TUBGCP3: variants seen among roughly 807,000 people sequenced by gnomAD.
The protein encoded by TUBGCP3 is gamma-tubulin complex component 3.
Under a neutral mutation model 123.1 loss-of-function variants are expected in TUBGCP3, and 50 were observed. The observed-to-expected ratio is 0.41, with a 90% CI of 0.32 to 0.51. TUBGCP3 has a LOEUF of 0.51. TUBGCP3 is among the 20% of genes least tolerant of loss of function. The probability of loss-of-function intolerance (pLI) is 0.36; values close to 1 mark genes in which losing one functional copy is unlikely to be tolerated. For missense variants in TUBGCP3, 882 were observed against 1,127.0 expected (o/e 0.78, Z 3.11); for synonymous variants, 405 against 413.9 (o/e 0.98, Z 0.26).
intron 4 of TUBGCP3, among the ~76,000 whole-genome samples, chr13:112,559,020 T>G (rs1880283163): frequency 6.6e-6 from 1 of 152,212 alleles, no homozygotes; most frequent in Non-Finnish European, 1.5e-5. Context: ...TCATAAAGAA[T>G]TACCTATCAG....
intron 14 of TUBGCP3, among the ~76,000 whole-genome samples, 154 bp from the exon 15 acceptor site, chr13:112,520,175 C>A (rs1366867970): frequency 6.6e-6 from 1 of 152,218 alleles, no homozygotes; most frequent in African/African-American, 2.4e-5. Context: ...AGCTTCAGAG[C>A]ATTAACTGCA....
chr13:112,583,764 G>C (rs1218702785), intron 1 of TUBGCP3, among the ~76,000 whole-genome samples: 2 of 152,190 alleles, frequency 1.3e-5, no homozygotes, highest in Non-Finnish European at 2.9e-5. Flanking sequence ...TGGACTATAT[G>C]TTCCACACTT....
rs1477090516 is a variant in TUBGCP3 at position 112,529,522 on chromosome 13, TG to T, written c.1336-2039del. On this transcript the variant is annotated intron_variant, in intron 11 of 21. Coordinates refer to ENST00000261965, the MANE Select transcript of TUBGCP3 (RefSeq NM_006322.6). ...TCCTCCATCACAGTTATGCTCTTCC[TG>T]GGGCTCCCCATCTCCTATGTGGGGA... Among the ~76,000 whole-genome samples, 9 of 152,312 alleles carry T rather than the reference TG, an allele frequency of 5.9e-5. No homozygotes were observed. The East Asian group carries it at 1.7e-3, about 29-fold the overall frequency.
rs1224917829 is a variant in TUBGCP3 at position 112,499,792 on chromosome 13, T to C, written c.2308-607A>G. On this transcript the variant is annotated intron_variant, in intron 19 of 21. Transcript: ENST00000261965. ...TGTCACAGCAGGTATCTTCCGTTCA[T>C]TGCTTATAACTACTGCCCAGTAATC... 3.9e-5 allele frequency among the ~76,000 whole-genome samples: 6 copies of C among 152,232 alleles called. No homozygotes were observed. In the South Asian group the frequency reaches 6.2e-4, roughly 16 times the overall value.
intron 20 of TUBGCP3, among the ~76,000 whole-genome samples, chr13:112,498,183 A>G (rs1046075082): frequency 3.3e-5 from 5 of 152,220 alleles, no homozygotes; most frequent in Admixed American, 2.6e-4. Context: ...TCTCCAACTT[A>G]AGATCGTTTG....
chr13:112,502,637 C>T (rs1213197601), intron 19 of TUBGCP3, among the ~76,000 whole-genome samples: 1 of 151,282 alleles, frequency 6.6e-6, no homozygotes, highest in Non-Finnish European at 1.5e-5. Flanking sequence ...GCTCCGCCTC[C>T]CGGGTTCACG....
upstream of TUBGCP3, chr13:112,588,239 T>G: frequency 2.1e-5 from 7 of 325,918 alleles, no homozygotes; most frequent in Non-Finnish European, 3.9e-5. Flanking sequence ...GTCTGGTGCA[T>G]TCCCCCTGCT....
chr13:112,545,709 G>A lies in TUBGCP3; in HGVS notation c.1325C>T (p.Thr442Ile). ...RWIYDGELEDTYHEFFVASDP... is the reference protein window; with the variant it reads ...RWIYDGELEDIYHEFFVASDP... Reference sequence around the variant, plus strand: ...AACACCGATCCTTACTTCGTGGTAAGTGTCCTCAAGCTCCCCATCATATAT... The same window carrying A: ...AACACCGATCCTTACTTCGTGGTAAATGTCCTCAAGCTCCCCATCATATAT... The change falls in exon 11 of 22, where the codon ACT (threonine) becomes ATT (isoleucine). Residue 442 changes from threonine (T) to isoleucine (I), a missense_variant. By Grantham distance (89) the Thr-to-Ile change is moderately conservative (BLOSUM62 -1). Around this residue, in one of 3 missense-constraint regions of TUBGCP3, gnomAD observed 713 missense variants for 874.0 expected, o/e 0.82. Transcript: ENST00000261965. This position sits in a 1 kb window ranked among gnomAD's most constrained non-coding sequence, Gnocchi z 4.1. 6.2e-7 allele frequency: 1 copy of A among 1,613,046 alleles called. No homozygotes were observed. The highest frequency in any genetic ancestry group is 8.5e-7 in the Non-Finnish European group (1 of 1,179,034).
chr13:112,500,764 T>C (rs918214257), intron 19 of TUBGCP3, among the ~76,000 whole-genome samples: 3 of 152,228 alleles, frequency 2.0e-5, no homozygotes, highest in Admixed American at 2.0e-4. Flanking sequence ...AACTTTACAG[T>C]TAATGAAGAC....
chr13:112,573,954 C>G (rs1216641677), intron 1 of TUBGCP3, among the ~76,000 whole-genome samples: 1 of 152,262 alleles, frequency 6.6e-6, no homozygotes, highest in African/African-American at 2.4e-5. Context: ...CCTGGAAATT[C>G]AAGTGGGCAC....
In TUBGCP3 at chr13:112,504,205, C is replaced by T. The variant is rs199545751; in HGVS notation, c.2176-42G>A. On this transcript the variant is annotated intron_variant, in intron 18 of 21. Transcript: ENST00000261965. ...TAAAGACGCTAGATAAGCTCATGTC[C>T]TTCCTAGTGTAGCATCACTCATAAA... is the stretch of plus-strand genomic sequence containing the variant. 63 of 1,613,040 alleles carry T rather than the reference C, an allele frequency of 3.9e-5. No homozygotes were observed. The South Asian group carries it at 6.6e-4, about 17-fold the overall frequency.
chr13:112,570,675 A>T (rs1881326161), intron 1 of TUBGCP3, among the ~76,000 whole-genome samples: 1 of 152,212 alleles, frequency 6.6e-6, no homozygotes, highest in African/African-American at 2.4e-5. Context: ...AATTTCTTAA[A>T]ATAAGACAAC....
At position 112,545,732 on chromosome 13, in the gene TUBGCP3, T is replaced by C; in HGVS notation, c.1302A>G (p.Ile434Met). The part of the protein sequence containing the change: ...HPVLSFLYRW[I>M]YDGELEDTYH... ...AAGTGTCCTCAAGCTCCCCATCATA[T>C]ATCCAGCGGTACAGGAAGCTCAAAA... Residue 434 changes from isoleucine (I) to methionine (M), a missense_variant, in exon 11 of 22, where the codon ATA becomes ATG. By Grantham distance (10) the Ile-to-Met change is conservative. Around this residue, in one of 3 missense-constraint regions of TUBGCP3, gnomAD observed 713 missense variants for 874.0 expected, o/e 0.82. Transcript: ENST00000261965. This position sits in a 1 kb window ranked among gnomAD's most constrained non-coding sequence, Gnocchi z 4.1. 6.2e-7 allele frequency: 1 copy of C among 1,614,148 alleles called. No individual in the cohort carries two copies. The highest frequency in any genetic ancestry group is 8.5e-7 in the Non-Finnish European group (1 of 1,179,976).
chr13:112,555,689 A>C (rs1287675425), intron 6 of TUBGCP3, among the ~76,000 whole-genome samples: 1 of 152,226 alleles, frequency 6.6e-6, no homozygotes, highest in African/African-American at 2.4e-5. Flanking sequence ...TGGTAGAAGA[A>C]GGTGACTTTT....
intron 11 of TUBGCP3, among the ~76,000 whole-genome samples, chr13:112,537,118 ACCTTTTT>A (rs1878119049): frequency 1.7e-5 from 2 of 120,522 alleles, no homozygotes; most frequent in Admixed American, 1.7e-4. Context: ...GGATGCTTTT[ACCTTTTT>A]CCTTTTTTTT....
intron 8 of TUBGCP3, among the ~76,000 whole-genome samples, chr13:112,549,591 AT>A (rs1879382365): frequency 6.6e-6 from 1 of 152,184 alleles, no homozygotes; most frequent in Admixed American, 6.5e-5. Flanking sequence ...AAATTTTAAA[AT>A]TGGCAGCTCA....
At chr13:112,544,105 G>A (rs1488098688) in intron 11 of TUBGCP3, among the ~76,000 whole-genome samples, 1 of 152,210 alleles carries the variant, frequency 6.6e-6, no homozygotes, top group Non-Finnish European at 1.5e-5. Context: ...GCTGATAGCT[G>A]CGTCAACCTG....
intron 5 of TUBGCP3, 60 bp from the exon 6 acceptor site, chr13:112,556,284 C>G (rs1880035856): frequency 1.3e-6 from 2 of 1,522,642 alleles, no homozygotes; most frequent in Non-Finnish European, 1.8e-6. Context: ...ACAAAAGTGT[C>G]CCTAGAAATT....
intron 10 of TUBGCP3, 162 bp downstream of exon 10, chr13:112,547,458 A>G: frequency 1.1e-5 from 13 of 1,206,056 alleles, no homozygotes; most frequent in Non-Finnish European, 1.4e-5. Flanking sequence ...GCAAGCCTGG[A>G]TGGCGCACCC....
Sources: gnomAD v4.1 joint callset for allele counts (sites outside exome capture counted in the v4.1 genomes callset) on GRCh38, gnomAD v4.1.1 for gene constraint, gnomAD v4.1.1 regional missense constraint, Gnocchi (gnomAD v3.1) non-coding constraint, MANE v1.5 for transcripts, NCBI Gene and HGNC (gene_info 2026-07-23, HGNC 2026-07-21) for gene names.